The following ZCWPW2 variants were observed in gnomAD, a reference collection of about 807,000 sequenced individuals.
ZCWPW2 encodes zinc finger CW-type PWWP domain protein 2.
In ZCWPW2, 45 loss-of-function variants were observed where a neutral mutation model predicts 46.6. The ratio of observed to expected loss-of-function variants is 0.96; its 90% CI spans 0.76 to 1.24. The LOEUF (loss-of-function observed/expected upper bound fraction) is 1.24, where lower values mean the gene tolerates loss of function less well. Among genes scored for constraint, ZCWPW2 ranks in the 50% most tolerant of loss-of-function variants. The pLI, the probability that ZCWPW2 is intolerant of heterozygous loss-of-function variation, is 0.00. For synonymous variants in ZCWPW2, 152 were observed against 137.1 expected, an observed-to-expected ratio of 1.11 and a Z score of -0.76; for missense variants, 429 against 403.9, an observed-to-expected ratio of 1.06 and a Z score of -0.53.
At chr3:28,520,715 A>G (rs1700699196) in intron 8 of ZCWPW2, among the ~76,000 whole-genome samples, 1 of 152,230 alleles carries the variant, frequency 6.6e-6, no homozygotes, top group African/African-American at 2.4e-5. Context: ...TAATTAAAAA[A>G]AAATTCTAAT....
At chr3:28,381,332 A>G (rs1450016615) in intron 1 of ZCWPW2, among the ~76,000 whole-genome samples, 2 of 151,774 alleles carry the variant, frequency 1.3e-5, no homozygotes, top group African/African-American at 4.8e-5. Flanking sequence ...TGTATACTGT[A>G]TTCTTACAAT....
At chr3:28,434,898 T>G (rs1395251740) in intron 3 of ZCWPW2, among the ~76,000 whole-genome samples, 3 of 152,206 alleles carry the variant, frequency 2.0e-5, no homozygotes, top group African/African-American at 7.2e-5. Flanking sequence ...TATCTTAAAC[T>G]TGTGACCATT....
chr3:28,515,762 T>C, intron 8 of ZCWPW2, 141 bp downstream of exon 8: 1 of 609,766 alleles, frequency 1.6e-6, no homozygotes, highest in Non-Finnish European at 2.7e-6. Flanking sequence ...CATATATACA[T>C]GTGCGTACAT....
intron 2 of ZCWPW2, among the ~76,000 whole-genome samples, chr3:28,392,587 A>T (rs189083215): frequency 2.6e-4 from 40 of 152,330 alleles, no homozygotes; most frequent in Non-Finnish European, 5.3e-4. Context: ...GAGTCTTAAC[A>T]AATTTAGGAA....
chr3:28,440,305 T>C (rs1413476586), intron 4 of ZCWPW2, among the ~76,000 whole-genome samples: 1 of 152,220 alleles, frequency 6.6e-6, no homozygotes, highest in Non-Finnish European at 1.5e-5. Context: ...GGAATCGTTG[T>C]TGTGTCTCCT....
intron 2 of ZCWPW2, among the ~76,000 whole-genome samples, chr3:28,397,268 A>T (rs1695738467): frequency 6.6e-6 from 1 of 152,252 alleles, no homozygotes. Flanking sequence ...GCTATACTCC[A>T]TCTTAAATAC....
chr3:28,360,932 C>T (rs1356526460), intron 1 of ZCWPW2, among the ~76,000 whole-genome samples: 2 of 151,790 alleles, frequency 1.3e-5, no homozygotes, highest in African/African-American at 4.8e-5. Context: ...AATAAAGGGC[C>T]CAGGAAAGTT....
At chr3:28,518,848 T>C (rs1032874719) in intron 8 of ZCWPW2, among the ~76,000 whole-genome samples, 2 of 152,178 alleles carry the variant, frequency 1.3e-5, no homozygotes, top group Non-Finnish European at 2.9e-5. Context: ...AACTGGGGAA[T>C]TGGTGTGAAA....
chr3:28,516,198 C>T (rs1392512313), intron 8 of ZCWPW2, among the ~76,000 whole-genome samples: 2 of 151,844 alleles, frequency 1.3e-5, no homozygotes. Flanking sequence ...CGAGATCACA[C>T]CACTGCATTC....
chr3:28,465,906 G>A (rs1407845907), intron 4 of ZCWPW2, among the ~76,000 whole-genome samples: 1 of 152,142 alleles, frequency 6.6e-6, no homozygotes, highest in Admixed American at 6.5e-5. Flanking sequence ...ATTCACAATA[G>A]CAAATACATG....
chr3:28,502,830 C>T (rs751929475), intron 6 of ZCWPW2, among the ~76,000 whole-genome samples: 3 of 152,062 alleles, frequency 2.0e-5, no homozygotes, highest in Non-Finnish European at 4.4e-5. Context: ...TTTCCCAGTG[C>T]AGTGAGCGGT....
intron 2 of ZCWPW2, among the ~76,000 whole-genome samples, chr3:28,403,009 A>C (rs966293387): frequency 1.3e-5 from 2 of 152,200 alleles, no homozygotes; most frequent in Non-Finnish European, 2.9e-5. Flanking sequence ...GCCCACTCTC[A>C]CCACTTCTCT....
At chr3:28,368,165 T>C (rs957162981) in intron 1 of ZCWPW2, among the ~76,000 whole-genome samples, 1 of 152,174 alleles carries the variant, frequency 6.6e-6, no homozygotes, top group African/African-American at 2.4e-5. Flanking sequence ...AATATTGTTA[T>C]GTGTGAATTT....
At chr3:28,349,324 G>A in intron 1 of ZCWPW2, 121 bp downstream of exon 1, 1 of 532,946 alleles carries the variant, frequency 1.9e-6, no homozygotes, top group Non-Finnish European at 2.4e-6. Flanking sequence ...GGTGCGTGCT[G>A]GCTCGGCTCA....
intron 8 of ZCWPW2, 65 bp from the exon 9 acceptor site, chr3:28,520,927 G>A: frequency 6.3e-7 from 1 of 1,578,934 alleles, no homozygotes. Flanking sequence ...GGGTAGTTAA[G>A]ATTATGAATT....
At chr3:28,447,863 G>A (rs778552786) in intron 4 of ZCWPW2, 1 of 1,034,712 alleles carries the variant, frequency 9.7e-7, no homozygotes, top group Non-Finnish European at 1.5e-6. Flanking sequence ...TCTGCATGTG[G>A]TGTGTGCCCA....
At chr3:28,409,665 T>G (rs1396160568) in intron 2 of ZCWPW2, among the ~76,000 whole-genome samples, 1 of 152,164 alleles carries the variant, frequency 6.6e-6, no homozygotes, top group Non-Finnish European at 1.5e-5. Context: ...ATTGATTAAT[T>G]TATACCTTGT....
At chr3:28,496,179 A>G (rs919086481) in intron 6 of ZCWPW2, among the ~76,000 whole-genome samples, 1 of 152,028 alleles carries the variant, frequency 6.6e-6, no homozygotes, top group Non-Finnish European at 1.5e-5. Context: ...TAAAAGGTAA[A>G]AGTGTAGTTA....
intron 9 of ZCWPW2, among the ~76,000 whole-genome samples, chr3:28,522,945 T>C (rs942870226): frequency 3.9e-5 from 6 of 152,188 alleles, no homozygotes; most frequent in Non-Finnish European, 8.8e-5. Flanking sequence ...GCGGTTTCTT[T>C]TCAAAAATAC....
Sources: gnomAD v4.1 joint callset for allele counts (sites outside exome capture counted in the v4.1 genomes callset) on GRCh38, gnomAD v4.1.1 for gene constraint, MANE v1.5 for transcripts, NCBI Gene and HGNC (gene_info 2026-07-23, HGNC 2026-07-21) for gene names.